Variants in KDM4C observed in about 807,000 individuals in gnomAD.
KDM4C encodes lysine-specific demethylase 4C.
A neutral mutation model predicts 129.3 loss-of-function variants in KDM4C; 81 were observed. The ratio of observed to expected loss-of-function variants is 0.63; its 90% confidence interval spans 0.52 to 0.75. The LOEUF is 0.75. Among genes scored for constraint, KDM4C ranks in the 30% least tolerant of loss-of-function variants. The pLI is 0.00. For synonymous variants in KDM4C, 573 were observed against 456.1 expected, an observed-to-expected ratio of 1.26 and a Z score of -3.26; for missense variants, 1,457 against 1,304.0, an observed-to-expected ratio of 1.12 and a Z score of -1.81.
chr9:6,940,561 C>T (rs1825757463), intron 8 of KDM4C, among the ~76,000 whole-genome samples: 2 of 152,114 alleles, frequency 1.3e-5, no homozygotes, highest in South Asian at 2.1e-4. Context: ...AATTTAAAAT[C>T]ATCCACAAGG....
chr9:7,118,226 C>G (rs1313278839), intron 18 of KDM4C, among the ~76,000 whole-genome samples: 1 of 152,158 alleles, frequency 6.6e-6, no homozygotes, highest in Non-Finnish European at 1.5e-5. Context: ...CCACCATTTC[C>G]CACTGTATTA....
At chr9:6,897,685 A>G (rs1816686385) in intron 8 of KDM4C, among the ~76,000 whole-genome samples, 1 of 152,174 alleles carries the variant, frequency 6.6e-6, no homozygotes, top group Non-Finnish European at 1.5e-5. Context: ...AGAAAAACAT[A>G]TATATTGTCT....
At chr9:7,044,884 C>T (rs1465085896) in intron 15 of KDM4C, among the ~76,000 whole-genome samples, 2 of 151,870 alleles carry the variant, frequency 1.3e-5, no homozygotes, top group Non-Finnish European at 2.9e-5. Flanking sequence ...AACTGAGGGT[C>T]AGCTAGAGGT....
intron 1 of KDM4C, chr9:6,748,738 C>A: frequency 1.3e-6 from 2 of 1,483,834 alleles, no homozygotes; most frequent in Non-Finnish European, 9.4e-7. Flanking sequence ...GTAATATTAT[C>A]TCCTTTTAGC....
At chr9:6,723,630 C>CAAAAA (rs4008336) in intron 1 of KDM4C, 8,659 of 111,782 alleles carry the variant, frequency 0.077, 328 homozygotes, top group Non-Finnish European at 0.12. Context: ...GACTCCATCT[C>CAAAAA]AAAAAAAAAA....
intron 8 of KDM4C, among the ~76,000 whole-genome samples, chr9:6,929,477 T>TC (rs1216714641): frequency 2.5e-5 from 2 of 79,846 alleles, no homozygotes; most frequent in African/African-American, 7.9e-5. Context: ...TTTTCTTTTT[T>TC]TTTTTTTTTT....
At chr9:7,111,810 A>T (rs906758217) in intron 18 of KDM4C, among the ~76,000 whole-genome samples, 1 of 152,182 alleles carries the variant, frequency 6.6e-6, no homozygotes, top group Non-Finnish European at 1.5e-5. Flanking sequence ...CCCCGTTTTT[A>T]TATATCCCTG....
intron 8 of KDM4C, among the ~76,000 whole-genome samples, chr9:6,945,770 G>A (rs1274357509): frequency 6.6e-6 from 1 of 152,080 alleles, no homozygotes; most frequent in Non-Finnish European, 1.5e-5. Context: ...CAAGATAGTG[G>A]AAATAATCTT....
At position 7,109,440 on chromosome 9, in the gene KDM4C, A is replaced by T. The variant is rs117223610; in HGVS notation, c.2610+5570A>T. On this transcript the variant is annotated intron_variant, in intron 18 of 21. Coordinates refer to ENST00000381309, the MANE Select transcript of KDM4C (RefSeq NM_015061.6). ...AGAAAGCCTGTTTCCTCCAGAGCCTACCCCTGATTCTGGTTTATACATTTC... is the reference window on the plus strand; with the variant it reads ...AGAAAGCCTGTTTCCTCCAGAGCCTTCCCCTGATTCTGGTTTATACATTTC... Among the ~76,000 whole-genome samples the T allele has an allele frequency of 8.2e-3, 1,253 of 152,258 alleles. 21 individuals carry two copies. Among genetic ancestry groups the T allele is most frequent in the Non-Finnish European group, 0.013 (910 of 68,000 alleles).
chr9:7,168,040 G>A (rs902067353), intron 20 of KDM4C, among the ~76,000 whole-genome samples: 4 of 152,082 alleles, frequency 2.6e-5, no homozygotes, highest in African/African-American at 9.7e-5. Context: ...ATAAAAATTA[G>A]CCAGGCATGG....
intron 8 of KDM4C, among the ~76,000 whole-genome samples, chr9:6,937,827 C>T (rs1272897133): frequency 6.6e-6 from 1 of 152,062 alleles, no homozygotes; most frequent in Non-Finnish European, 1.5e-5. Context: ...TTTTCCTGCC[C>T]CAGCCTCCTG....
intron 4 of KDM4C, among the ~76,000 whole-genome samples, chr9:6,828,001 A>G (rs1458623751): frequency 6.6e-6 from 1 of 152,152 alleles, no homozygotes; most frequent in African/African-American, 2.4e-5. Context: ...GTGTTTTCAG[A>G]GGGGTGTTGC....
At chr9:7,054,431 A>G (rs1315471518) in intron 17 of KDM4C, among the ~76,000 whole-genome samples, 2 of 152,242 alleles carry the variant, frequency 1.3e-5, no homozygotes, top group African/African-American at 4.8e-5. Context: ...ACATAGAGAT[A>G]TATAAAACAC....
intron 17 of KDM4C, among the ~76,000 whole-genome samples, chr9:7,051,062 G>A (rs894067966): frequency 7.9e-5 from 12 of 152,106 alleles, no homozygotes; most frequent in African/African-American, 2.4e-4. Flanking sequence ...TAGAGCTATG[G>A]TTACAGATGT....
intron 18 of KDM4C, among the ~76,000 whole-genome samples, chr9:7,106,148 A>G (rs1207031654): frequency 6.6e-6 from 1 of 152,166 alleles, no homozygotes; most frequent in South Asian, 2.1e-4. Flanking sequence ...TTCCTCCCCA[A>G]AGTGTTTGGG....
chr9:6,786,406 A>G (rs78597493), intron 1 of KDM4C, among the ~76,000 whole-genome samples: 1 of 152,300 alleles, frequency 6.6e-6, no homozygotes, highest in East Asian at 1.9e-4. Flanking sequence ...TGCTATAAAT[A>G]TCGTTTTTGC....
chr9:7,166,442 GTGTGTGTAT>G (rs1211043581), intron 20 of KDM4C, among the ~76,000 whole-genome samples: 1 of 67,040 alleles, frequency 1.5e-5, no homozygotes, highest in Non-Finnish European at 3.7e-5. Flanking sequence ...CACATACATT[GTGTGTGTAT>G]GTGTGTATGT....
At chr9:6,994,002 G>C (rs1819237010) in intron 12 of KDM4C, among the ~76,000 whole-genome samples, 1 of 152,106 alleles carries the variant, frequency 6.6e-6, no homozygotes, top group Non-Finnish European at 1.5e-5. Context: ...TGGTTTTGTA[G>C]AAGACAGTTT....
chr9:6,912,368 A>C (rs888081335), intron 8 of KDM4C, among the ~76,000 whole-genome samples: 7 of 152,166 alleles, frequency 4.6e-5, no homozygotes, highest in African/African-American at 1.7e-4. Flanking sequence ...TATTCTGAAG[A>C]CTGCTGGAGA....
Sources: allele counts gnomAD v4.1 joint callset (sites outside exome capture counted in the v4.1 genomes callset), GRCh38; gene constraint gnomAD v4.1.1; transcripts MANE v1.5; gene names NCBI Gene and HGNC (gene_info 2026-07-23, HGNC 2026-07-21).